PCDHGA6: variants seen among roughly 807,000 people sequenced by gnomAD.
The protein encoded by PCDHGA6 is protocadherin gamma-A6.
A neutral mutation model predicts 60.6 loss-of-function variants in PCDHGA6; 41 were observed. The ratio of observed to expected loss-of-function variants is 0.68; its 90% CI spans 0.53 to 0.88. The LOEUF (loss-of-function observed/expected upper bound fraction) is 0.88. PCDHGA6 is among the 40% of genes least tolerant of loss of function. The pLI, the probability that PCDHGA6 is intolerant of heterozygous loss-of-function variation, is 0.00. For missense variants in PCDHGA6, 1,312 were observed against 1,203.0 expected (o/e 1.09, Z -1.34); for synonymous variants, 594 against 524.4 (o/e 1.13, Z -1.81).
chr5:141,450,454 G>A (rs144071286), intron 1 of PCDHGA6, among the ~76,000 whole-genome samples: 3,498 of 151,958 alleles, frequency 0.023, 60 homozygotes, highest in Middle Eastern at 0.051. Flanking sequence ...ATGTTTCCTC[G>A]TGATTTTATA....
intron 3 of PCDHGA6, among the ~76,000 whole-genome samples, chr5:141,509,398 G>A (rs1218925417): frequency 6.6e-6 from 1 of 152,106 alleles, no homozygotes; most frequent in Admixed American, 6.5e-5. Context: ...GGATCTCAGG[G>A]CCTCCAGCAG....
Position 141,375,691 on chromosome 5 carries a change from C to T in PCDHGA6, c.1608C>T (p.Asp536=). 6.2e-7 allele frequency: 1 copy of T among 1,614,272 alleles called. No homozygotes were observed. The highest frequency in any genetic ancestry group is 1.1e-5 in the South Asian group (1 of 91,092). The change falls in exon 1 of 4, where the codon GAC becomes GAT. Residue 536 remains aspartate (D), a synonymous_variant. Transcript: ENST00000517434. ...RDLQLWVTAS[D]SGDPPLSSNV... ...TACAGCTGTGGGTGACAGCCAGCGA[C>T]AGCGGGGACCCGCCTCTTAGCAGCA...
intron 1 of PCDHGA6, chr5:141,382,901 T>C (rs748634682): frequency 5.8e-6 from 9 of 1,543,194 alleles, no homozygotes; most frequent in East Asian, 2.3e-5. Flanking sequence ...AGGACGACTA[T>C]GGCGGCTCAG....
chr5:141,383,800 A>C, intron 1 of PCDHGA6: 1 of 1,614,000 alleles, frequency 6.2e-7, no homozygotes, highest in Non-Finnish European at 8.5e-7. Flanking sequence ...TACAGGAGAA[A>C]TATCAACTTT....
intron 1 of PCDHGA6, chr5:141,389,450 G>C: frequency 6.2e-7 from 1 of 1,610,530 alleles, no homozygotes; most frequent in Non-Finnish European, 8.5e-7. Context: ...ACCACGAGCA[G>C]CTGCGCGCCT....
rs1446853595 is a variant in PCDHGA6 at position 141,491,363 on chromosome 5, C to A, written c.2425-3444C>A. The A allele has an allele frequency of 1.2e-6, 2 of 1,614,182 alleles. No homozygotes were observed. Among genetic ancestry groups the A allele is most frequent in the South Asian group, 2.2e-5 (2 of 91,082 alleles). On this transcript the variant is annotated intron_variant, in intron 1 of 3. Coordinates refer to ENST00000517434, the MANE Select transcript of PCDHGA6 (RefSeq NM_018919.3). The surrounding 1 kb of genome is among the most constrained non-coding windows in gnomAD (Gnocchi z 6.9). ...ACCGTCAGTCTCTTATCCCTAGTCA[C>A]CTTCACCTTTCTGTCAGCGAAGTGC...
chr5:141,383,634 T>C, intron 1 of PCDHGA6: 1 of 1,613,914 alleles, frequency 6.2e-7, no homozygotes, highest in Non-Finnish European at 8.5e-7. Flanking sequence ...TCTCTCTGCC[T>C]CAGTACCAAG....
At chr5:141,394,180 C>T in intron 1 of PCDHGA6, 2 of 1,613,948 alleles carry the variant, frequency 1.2e-6, no homozygotes, top group Non-Finnish European at 1.7e-6. Context: ...CCTCATGCCT[C>T]CTACTCAGCG....
intron 1 of PCDHGA6, among the ~76,000 whole-genome samples, chr5:141,426,133 G>A (rs2096916691): frequency 6.6e-6 from 1 of 152,212 alleles, no homozygotes. Context: ...GCCAAGACTT[G>A]GGCTTTCTGC....
At chr5:141,381,826 C>CTTTTTTTTTTTTTTTT (rs770630741) in intron 1 of PCDHGA6, among the ~76,000 whole-genome samples, 8 of 74,282 alleles carry the variant, frequency 1.1e-4, no homozygotes, top group African/African-American at 1.9e-4. Flanking sequence ...CTTTCTTCTT[C>CTTTTTTTTTTTTTTTT]TTTTTTTTTT....
At position 141,476,669 on chromosome 5, in the gene PCDHGA6, C is replaced by G; in HGVS notation, c.2425-18138C>G. ...AAATGAATACTTTGCGCTTCGCGTGCAGACGCGGGAGGACAGCACCAAGTA... is the reference window on the plus strand; with the variant it reads ...AAATGAATACTTTGCGCTTCGCGTGGAGACGCGGGAGGACAGCACCAAGTA... On this transcript the variant is annotated intron_variant, in intron 1 of 3. Coordinates refer to ENST00000517434, the MANE Select transcript of PCDHGA6 (RefSeq NM_018919.3). This position sits in a 1 kb window ranked among gnomAD's most constrained non-coding sequence, Gnocchi z 7.6. 6.2e-7 allele frequency: 1 copy of G among 1,614,246 alleles called. No individual in the cohort carries two copies. The highest frequency in any genetic ancestry group is 1.1e-5 in the South Asian group (1 of 91,086).
At chr5:141,388,274 G>A (rs1340999969) in intron 1 of PCDHGA6, 1 of 1,590,544 alleles carries the variant, frequency 6.3e-7, no homozygotes, top group African/African-American at 1.5e-5. Context: ...ATGACCACAC[G>A]CCAAAATTCA....
At chr5:141,507,183 C>T (rs2099859036) in intron 3 of PCDHGA6, 1 of 152,428 alleles carries the variant, frequency 6.6e-6, no homozygotes, top group Non-Finnish European at 1.5e-5. Flanking sequence ...TCCTCGAGCT[C>T]TGCTTTATTC....
intron 1 of PCDHGA6, chr5:141,390,142 G>A (rs2092062384): frequency 6.2e-6 from 10 of 1,614,022 alleles, no homozygotes; most frequent in Non-Finnish European, 8.5e-6. Flanking sequence ...TACAATCTAT[G>A]TGTTGCACAT....
intron 1 of PCDHGA6, among the ~76,000 whole-genome samples, chr5:141,470,212 C>A (rs756256854): frequency 2.0e-5 from 3 of 152,116 alleles, no homozygotes; most frequent in Non-Finnish European, 4.4e-5. Context: ...AAGGCTAAAC[C>A]ATTCAGCTTC....
At chr5:141,388,471 T>C (rs758013989) in intron 1 of PCDHGA6, 1 of 1,613,844 alleles carries the variant, frequency 6.2e-7, no homozygotes, top group South Asian at 1.1e-5. Context: ...GAGATGGTAT[T>C]GAAGACACCT....
chr5:141,414,139 G>A (rs1245110230), intron 1 of PCDHGA6: 6 of 1,596,386 alleles, frequency 3.8e-6, no homozygotes, highest in African/African-American at 1.3e-5. Context: ...CTATGAAATA[G>A]AAATACAAGC....
At chr5:141,478,765 C>T in intron 1 of PCDHGA6, 1 of 1,508,614 alleles carries the variant, frequency 6.6e-7, no homozygotes, top group Non-Finnish European at 8.9e-7. Context: ...AGATACTTGA[C>T]TCATCTGTGG....
In PCDHGA6 at chr5:141,410,160, C is replaced by T. The variant is rs767993789; in HGVS notation, c.2424+33653C>T. ...GCTGTGCGTGACGGTGGACAGCCGC[C>T]ACTCTCTGCCACCGCCACGCTTCAT... On this transcript the variant is annotated intron_variant, in intron 1 of 3. Transcript: ENST00000517434. 100 of 1,613,580 alleles carry T rather than the reference C, an allele frequency of 6.2e-5. No individual in the cohort carries two copies. In the Middle Eastern group the frequency reaches 2.1e-3, roughly 34 times the overall value.
Sources: gnomAD v4.1 joint callset for allele counts (sites outside exome capture counted in the v4.1 genomes callset) on GRCh38, gnomAD v4.1.1 for gene constraint, Gnocchi (gnomAD v3.1) non-coding constraint, MANE v1.5 for transcripts, NCBI Gene and HGNC (gene_info 2026-07-23, HGNC 2026-07-21) for gene names.